The following PRIM2 variants were observed in gnomAD, a reference collection of about 807,000 sequenced individuals.
The protein encoded by PRIM2 is DNA primase large subunit.
A neutral mutation model predicts 67.3 loss-of-function variants in PRIM2; 39 were observed. That is an observed-to-expected ratio of 0.58 (90% CI 0.45 to 0.76). The LOEUF (loss-of-function observed/expected upper bound fraction) is 0.76, where lower values mean the gene tolerates loss of function less well. PRIM2 is among the 30% of genes least tolerant of loss of function. PRIM2 has a pLI of 0.00. For synonymous variants in PRIM2, 143 were observed against 198.7 expected (o/e 0.72, Z 2.36); for missense variants, 398 against 598.7 (o/e 0.66, Z 3.50).
At chr6:57,619,158 C>G (rs1776807050) in intron 12 of PRIM2, among the ~76,000 whole-genome samples, 1 of 152,136 alleles carries the variant, frequency 6.6e-6, no homozygotes, top group African/African-American at 2.4e-5. Context: ...TGGTTAAACC[C>G]AGAAGAGAGA....
At chr6:57,326,539 A>G (rs1243356340) in intron 5 of PRIM2, among the ~76,000 whole-genome samples, 1 of 152,054 alleles carries the variant, frequency 6.6e-6, no homozygotes, top group Non-Finnish European at 1.5e-5. Context: ...TGACCAACAT[A>G]GTGAAACCCC....
chr6:57,306,092 C>G, the PRIM2 span, among the ~76,000 whole-genome samples: 1 of 152,184 alleles, frequency 6.6e-6, no homozygotes, highest in Non-Finnish European at 1.5e-5. Context: ...AGATAGCACC[C>G]AAGAGTGAAC....
intron 10 of PRIM2, among the ~76,000 whole-genome samples, chr6:57,595,369 GCGAC>G (rs1275860919): frequency 7.2e-5 from 11 of 152,138 alleles, no homozygotes; most frequent in African/African-American, 2.7e-4. Flanking sequence ...AGAGAGTATA[GCGAC>G]CAGATGTGTG....
intron 1 of PRIM2, among the ~76,000 whole-genome samples, 170 bp downstream of exon 1, chr6:57,317,871 A>G (rs1342076482): frequency 6.6e-6 from 1 of 152,026 alleles, no homozygotes; most frequent in African/African-American, 2.4e-5. Context: ...AGTTGGGGAG[A>G]GATAGGTTTG....
intron 5 of PRIM2, among the ~76,000 whole-genome samples, chr6:57,354,839 A>G (rs1768972776): frequency 6.6e-6 from 1 of 152,220 alleles, no homozygotes; most frequent in Non-Finnish European, 1.5e-5. Context: ...TAAGAGTTGA[A>G]CTTTGTTTGG....
At chr6:57,240,524 T>A in the PRIM2 span, among the ~76,000 whole-genome samples, 44 of 151,402 alleles carry the variant, frequency 2.9e-4, no homozygotes, top group African/African-American at 9.7e-4. Context: ...AATGAAAGAG[T>A]ACACAAAGAA....
chr6:57,537,294 A>G (rs1775021030), intron 9 of PRIM2, 146 bp from the exon 10 acceptor site: 1 of 428,478 alleles, frequency 2.3e-6, no homozygotes, highest in Non-Finnish European at 4.1e-6. Flanking sequence ...GATAAGAGTC[A>G]TCTGTAACCA....
intron 5 of PRIM2, among the ~76,000 whole-genome samples, chr6:57,365,369 C>A (rs1769322709): frequency 6.6e-6 from 1 of 151,014 alleles, no homozygotes; most frequent in East Asian, 1.9e-4. Flanking sequence ...TGCCTTATTA[C>A]TGCTTGTTGG....
intron 7 of PRIM2, among the ~76,000 whole-genome samples, chr6:57,450,704 C>T (rs1282999899): frequency 6.6e-6 from 1 of 152,202 alleles, no homozygotes; most frequent in Non-Finnish European, 1.5e-5. Context: ...TGAATGCATG[C>T]AGTAAGTGAT....
At chr6:57,425,478 G>A (rs1771592628) in intron 7 of PRIM2, among the ~76,000 whole-genome samples, 1 of 152,140 alleles carries the variant, frequency 6.6e-6, no homozygotes, top group Non-Finnish European at 1.5e-5. Flanking sequence ...GCCTCCTAAA[G>A]TGCTGGGATT....
intron 7 of PRIM2, among the ~76,000 whole-genome samples, chr6:57,493,661 G>A (rs1773944701): frequency 6.6e-6 from 1 of 152,206 alleles, no homozygotes; most frequent in Non-Finnish European, 1.5e-5. Context: ...ATTTAACTAA[G>A]ACATGCAAGA....
the PRIM2 span, among the ~76,000 whole-genome samples, chr6:57,277,571 A>G: frequency 6.6e-6 from 1 of 152,122 alleles, no homozygotes; most frequent in Non-Finnish European, 1.5e-5. Context: ...CCTTGGGAAC[A>G]CAGCAGAAGC....
At chr6:57,478,057 A>G (rs1443164407) in intron 7 of PRIM2, among the ~76,000 whole-genome samples, 1 of 152,240 alleles carries the variant, frequency 6.6e-6, no homozygotes, top group Non-Finnish European at 1.5e-5. Flanking sequence ...AATACCCGTA[A>G]TACTATGAGG....
chr6:57,349,033 C>T (rs1051306005), intron 5 of PRIM2, among the ~76,000 whole-genome samples: 3 of 152,106 alleles, frequency 2.0e-5, no homozygotes, highest in Non-Finnish European at 2.9e-5. Context: ...ACGTGAGACA[C>T]CATGCCTGGC....
intron 7 of PRIM2, among the ~76,000 whole-genome samples, chr6:57,389,588 C>T (rs1770264082): frequency 6.6e-6 from 1 of 152,162 alleles, no homozygotes; most frequent in Admixed American, 6.5e-5. Context: ...TACTTGGAGT[C>T]ACAGAGAAAA....
intron 10 of PRIM2, among the ~76,000 whole-genome samples, chr6:57,573,325 C>T (rs1270771657): frequency 3.3e-5 from 5 of 152,102 alleles, no homozygotes; most frequent in African/African-American, 1.2e-4. Context: ...AAAGAAAGTT[C>T]GTCTACATGT....
chr6:57,589,760 C>G (rs1776254984), intron 10 of PRIM2, among the ~76,000 whole-genome samples: 1 of 152,084 alleles, frequency 6.6e-6, no homozygotes, highest in African/African-American at 2.4e-5. Flanking sequence ...AGCAAGCAGA[C>G]AGTATTAGAA....
At chr6:57,511,970 G>A (rs1457070447) in intron 8 of PRIM2, among the ~76,000 whole-genome samples, 3 of 152,220 alleles carry the variant, frequency 2.0e-5, no homozygotes, top group Admixed American at 6.5e-5. Context: ...GATCACTCAG[G>A]AAGAGAGTAT....
At chr6:57,626,653 C>T (rs1260875293) in intron 12 of PRIM2, among the ~76,000 whole-genome samples, 2 of 146,428 alleles carry the variant, frequency 1.4e-5, no homozygotes, top group Admixed American at 6.8e-5. Flanking sequence ...AAGACAGGGT[C>T]TCATTCTGTC....
Sources: allele counts gnomAD v4.1 joint callset (sites outside exome capture counted in the v4.1 genomes callset), GRCh38; gene constraint gnomAD v4.1.1; transcripts MANE v1.5; gene names NCBI Gene and HGNC (gene_info 2026-07-23, HGNC 2026-07-21).